Variants in EDNRB observed in about 807,000 individuals in gnomAD.
EDNRB encodes endothelin receptor type B, also known as Hirschsprung disease 2.
Under a neutral mutation model 46.4 loss-of-function variants are expected in EDNRB, and 18 were observed. That is an observed-to-expected ratio of 0.39 (90% CI 0.27 to 0.57). The LOEUF is 0.57. EDNRB is among the 20% of genes least tolerant of loss of function. The pLI is 0.61. For synonymous variants in EDNRB, 213 were observed against 204.9 expected (o/e 1.04, Z -0.34); for missense variants, 434 against 537.5 (o/e 0.81, Z 1.90).
intron 1 of EDNRB, among the ~76,000 whole-genome samples, chr13:77,908,865 TA>T (rs1308049926): frequency 6.6e-6 from 1 of 152,044 alleles, no homozygotes; most frequent in Non-Finnish European, 1.5e-5. Flanking sequence ...AAATCCTGTT[TA>T]AAATTCAGTT....
At chr13:77,933,446 C>G (rs1203962850) in intron 1 of EDNRB, among the ~76,000 whole-genome samples, 1 of 152,030 alleles carries the variant, frequency 6.6e-6, no homozygotes, top group Non-Finnish European at 1.5e-5. Flanking sequence ...AGTAGGGGAG[C>G]TTTTGAGCCA....
At position 77,918,626 on chromosome 13, in the gene EDNRB, T is replaced by A. The variant is rs1421283279; in HGVS notation, c.-53A>T. The A allele has an allele frequency of 6.5e-7, 1 of 1,538,898 alleles. No homozygotes were observed. Among genetic ancestry groups the A allele is most frequent in the Non-Finnish European group, 8.6e-7 (1 of 1,156,252 alleles). On this transcript the variant is annotated 5_prime_UTR_variant, in exon 1 of 7. Transcript: ENST00000646607. The surrounding 1 kb of genome is among the most constrained non-coding windows in gnomAD (Gnocchi z 4.5). ...GTGGCCGCTCCGCAGTTTCAGAGCC[T>A]AGAGACAAGCAGAGGAAGGAAGACA...
chr13:77,903,270 A>C lies in EDNRB; in HGVS notation c.687T>G (p.Ser229=). The C allele has an allele frequency of 1.2e-6, 2 of 1,613,112 alleles. No individual in the cohort carries two copies. Among genetic ancestry groups the C allele is most frequent in the South Asian group, 2.2e-5 (2 of 91,050 alleles). ...AVEIVLIWVV[S]VVLAVPEAIG... ...TGGCTTCAGGGACAGCCAGAACCAC[A>C]GAGACCACCCAAATCAAAACAATTT... The change falls in exon 3 of 7, where the codon TCT becomes TCG. Residue 229 remains serine, a synonymous_variant. Transcript: ENST00000646607.
chr13:77,963,841 G>A (rs1224108235), intron 1 of EDNRB, among the ~76,000 whole-genome samples: 20 of 152,130 alleles, frequency 1.3e-4, no homozygotes, highest in Non-Finnish European at 4.4e-5. Flanking sequence ...GCAACCTACA[G>A]AATGGGAGAA....
At chr13:77,920,836 G>A (rs1183621351), upstream of EDNRB, among the ~76,000 whole-genome samples, 1 of 152,164 alleles carries the variant, frequency 6.6e-6, no homozygotes, top group Non-Finnish European at 1.5e-5. Flanking sequence ...GGAAGCTTTG[G>A]AATATGAATA....
intron 1 of EDNRB, among the ~76,000 whole-genome samples, chr13:77,963,828 C>T (rs2137687741): frequency 6.6e-6 from 1 of 152,272 alleles, no homozygotes; most frequent in Non-Finnish European, 1.5e-5. Context: ...TCAGAGTAAA[C>T]AGGCAACCTA....
intron 1 of EDNRB, among the ~76,000 whole-genome samples, chr13:77,904,839 C>G (rs955172718): frequency 6.6e-6 from 1 of 151,870 alleles, no homozygotes; most frequent in Non-Finnish European, 1.5e-5. Flanking sequence ...GAAAAACAAC[C>G]TTGCAAAAGT....
chr13:77,952,013 C>T (rs1881106883), intron 1 of EDNRB, among the ~76,000 whole-genome samples: 1 of 152,076 alleles, frequency 6.6e-6, no homozygotes, highest in Non-Finnish European at 1.5e-5. Flanking sequence ...GCCTTTGGGT[C>T]GGGGGTTTCC....
At chr13:77,956,576 C>G (rs890560972) in intron 1 of EDNRB, among the ~76,000 whole-genome samples, 1 of 152,142 alleles carries the variant, frequency 6.6e-6, no homozygotes, top group Non-Finnish European at 1.5e-5. Context: ...CTTGTATTAG[C>G]TTTTTATTAC....
chr13:77,897,286 A>G lies in EDNRB; in HGVS notation c.*914T>C. On this transcript the variant is annotated 3_prime_UTR_variant, in exon 7 of 7. Coordinates refer to ENST00000646607, the MANE Select transcript of EDNRB (RefSeq NM_001122659.3). ...ATTTACAGATGACAAAACCAAACAGAGTTTAAGCTACGATAGTGAAAGAAG... is the reference window on the plus strand; with the variant it reads ...ATTTACAGATGACAAAACCAAACAGGGTTTAAGCTACGATAGTGAAAGAAG... The G allele has an allele frequency of 1.0e-6, 1 of 985,240 alleles. No individual in the cohort carries two copies. The highest frequency in any genetic ancestry group is 1.2e-6 in the Non-Finnish European group (1 of 829,856). The allele number at this position is 985,240 out of a possible 1,614,324, so 61.0% of individuals were successfully genotyped here. A position where few individuals can be genotyped will look rare whatever the true frequency, so the allele number is the denominator to read the frequency against.
At chr13:77,915,739 A>G (rs1240654627) in intron 1 of EDNRB, among the ~76,000 whole-genome samples, 1 of 152,216 alleles carries the variant, frequency 6.6e-6, no homozygotes, top group Non-Finnish European at 1.5e-5. Flanking sequence ...GTAGGATTCA[A>G]TAATGATGAC....
At chr13:77,943,587 T>C (rs1285983724) in intron 1 of EDNRB, among the ~76,000 whole-genome samples, 1 of 152,116 alleles carries the variant, frequency 6.6e-6, no homozygotes, top group Non-Finnish European at 1.5e-5. Flanking sequence ...TTCAGCTAGG[T>C]ATGCTGTACT....
intron 1 of EDNRB, among the ~76,000 whole-genome samples, chr13:77,951,879 C>G (rs1881100348): frequency 6.6e-6 from 1 of 152,178 alleles, no homozygotes; most frequent in Non-Finnish European, 1.5e-5. Context: ...ATGCACCCCA[C>G]TTACCCAAAG....
intron 1 of EDNRB, among the ~76,000 whole-genome samples, chr13:77,946,187 A>G (rs192443918): frequency 2.6e-5 from 4 of 152,366 alleles, no homozygotes; most frequent in Non-Finnish European, 1.5e-5. Flanking sequence ...GTTTCTCTAT[A>G]GAACAGTTAT....
At chr13:77,936,417 C>T (rs1387760672) in intron 1 of EDNRB, among the ~76,000 whole-genome samples, 1 of 151,970 alleles carries the variant, frequency 6.6e-6, no homozygotes, top group Admixed American at 6.6e-5. Context: ...CATCAATACC[C>T]ACAACAGTTA....
rs12720119 is a variant in EDNRB, at chr13:77,974,380, C to T, written c.-52+967G>A. 5.2e-3 allele frequency among the ~76,000 whole-genome samples: 786 copies of T among 152,236 alleles called. 11 individuals are homozygous for T. Among genetic ancestry groups the T allele is most frequent in the African/African-American group, 0.018 (737 of 41,540 alleles). On this transcript the variant is annotated intron_variant, in intron 1 of 7. Transcript: ENST00000646948. ...AGATTGAATGCATTTGGGCCATCCA[C>T]GGGCTACTGGGTTAAGGATTTTTGA...
At chr13:77,924,897 AC>A (rs1880189767) in intron 1 of EDNRB, among the ~76,000 whole-genome samples, 1 of 152,184 alleles carries the variant, frequency 6.6e-6, no homozygotes, top group African/African-American at 2.4e-5. Flanking sequence ...CTAAGATGTG[AC>A]TTGCTCCTTC....
chr13:77,900,177 CT>C (rs1220546711), intron 5 of EDNRB, among the ~76,000 whole-genome samples: 8 of 151,958 alleles, frequency 5.3e-5, no homozygotes, highest in Admixed American at 5.3e-4. Context: ...TCCATTTCCC[CT>C]TCCCAGGCCC....
At chr13:77,951,026 C>T (rs1345313433) in intron 1 of EDNRB, among the ~76,000 whole-genome samples, 4 of 152,048 alleles carry the variant, frequency 2.6e-5, no homozygotes, top group South Asian at 2.1e-4. Flanking sequence ...GGATCCCTGT[C>T]GAAAATTGAA....
Sources: allele counts gnomAD v4.1 joint callset (sites outside exome capture counted in the v4.1 genomes callset), GRCh38; gene constraint gnomAD v4.1.1; non-coding constraint Gnocchi (gnomAD v3.1); transcripts MANE v1.5; gene names NCBI Gene and HGNC (gene_info 2026-07-23, HGNC 2026-07-21).